Variants in IFT140 observed in about 807,000 individuals in gnomAD.
The protein encoded by IFT140 is intraflagellar transport protein 140 homolog.
Under a neutral mutation model 164.6 loss-of-function variants are expected in IFT140, and 133 were observed. That is an observed-to-expected ratio of 0.81 (90% CI 0.70 to 0.93). The LOEUF is 0.93. Ranked by LOEUF, IFT140 falls within the 40% of genes least tolerant of loss-of-function variation. IFT140 has a pLI of 0.00. For missense variants in IFT140, 2,045 were observed against 1,972.3 expected, an observed-to-expected ratio of 1.04 and a Z score of -0.70; for synonymous variants, 860 against 817.3, an observed-to-expected ratio of 1.05 and a Z score of -0.89.
At position 1,580,780 on chromosome 16, in the gene IFT140, T is replaced by G. The variant is rs1478967837; in HGVS notation, c.1503A>C (p.Arg501=). The change falls in exon 13 of 31, where the codon CGA becomes CGC. Residue 501 remains arginine, a synonymous_variant. Transcript: ENST00000426508. ...EENVYTVESN[R]VQVRTWQGTV... Reference sequence around the variant, plus strand: ...TTACCTGCCAGGTTCGAACTTGAACTCGGTTTGACTCCACCGTGTAAACGT... The same window carrying G: ...TTACCTGCCAGGTTCGAACTTGAACGCGGTTTGACTCCACCGTGTAAACGT... The G allele has an allele frequency of 6.2e-7, 1 of 1,613,810 alleles. No individual in the cohort carries two copies. Among genetic ancestry groups the G allele is most frequent in the East Asian group, 2.2e-5 (1 of 44,880 alleles).
chr16:1,519,227 C>G (rs889675698), intron 29 of IFT140, among the ~76,000 whole-genome samples: 1 of 152,228 alleles, frequency 6.6e-6, no homozygotes, highest in Admixed American at 6.5e-5. Context: ...ACTTCTGGAA[C>G]TCTTGTTTTG....
Position 1,564,082 on chromosome 16 carries a change from A to G in IFT140, c.1982T>C (p.Phe661Ser). The G allele has an allele frequency of 6.2e-7, 1 of 1,605,008 alleles. No homozygotes were observed. Among genetic ancestry groups the G allele is most frequent in the East Asian group, 2.2e-5 (1 of 44,476 alleles). The change falls in exon 17 of 31, where the codon TTT becomes TCT. Residue 661 changes from phenylalanine to serine, a missense_variant. Phe to Ser is a radical substitution (Grantham distance 155, BLOSUM62 -2). Coordinates refer to ENST00000426508, the MANE Select transcript of IFT140 (RefSeq NM_014714.4). The surrounding 1 kb of genome is among the most constrained non-coding windows in gnomAD (Gnocchi z 5.5). Reference protein sequence around the residue: ...HFWDQSEPRLFVCEAVQETPR... With the variant: ...HFWDQSEPRLSVCEAVQETPR... ...CGTCTCCTGCACGGCTTCGCATACAAACAGCCGGGGCTCACTCTGGTCCCA... is the reference window on the plus strand; with the variant it reads ...CGTCTCCTGCACGGCTTCGCATACAGACAGCCGGGGCTCACTCTGGTCCCA...
chr16:1,592,210 G>A lies in IFT140; in HGVS notation c.600C>T (p.His200=), dbSNP rs371783984. 3.8e-5 allele frequency: 62 copies of A among 1,613,944 alleles called. No individual in the cohort carries two copies. The highest frequency in any genetic ancestry group is 9.3e-5 in the African/African-American group (7 of 74,896). ...SSGSLLKMGS[H]EGLLFFVSLM... Reference sequence around the variant, plus strand: ...GACTGACAAAGAACAACAGCCCCTCGTGAGACCCCATCTTCAGCAAACTTC... The same window carrying A: ...GACTGACAAAGAACAACAGCCCCTCATGAGACCCCATCTTCAGCAAACTTC... The change falls in exon 6 of 31, where the codon CAC becomes CAT. Residue 200 remains histidine, a synonymous_variant. Transcript: ENST00000426508.
At chr16:1,537,097 T>C (rs1476758865) in intron 19 of IFT140, among the ~76,000 whole-genome samples, 1 of 152,224 alleles carries the variant, frequency 6.6e-6, no homozygotes, top group Non-Finnish European at 1.5e-5. Context: ...GCACGTATGA[T>C]GGGCTGCGAC....
At chr16:1,541,614 G>T in intron 19 of IFT140, 1 of 507,378 alleles carries the variant, frequency 2.0e-6, no homozygotes, top group Non-Finnish European at 2.5e-6. Flanking sequence ...AAGTCAGGCA[G>T]AGAGGAACAG....
intron 4 of IFT140, 25 bp downstream of exon 4, chr16:1,602,326 AAGGGTCAAGGTCTGAAAAC>A (rs1567428086): frequency 6.5e-7 from 1 of 1,545,966 alleles, no homozygotes; most frequent in African/African-American, 1.4e-5. Context: ...CATGGTCAGA[AAGGGTCAAGGTCTGAAAAC>A]AGCGTCTTGC....
intron 19 of IFT140, among the ~76,000 whole-genome samples, chr16:1,540,223 T>C (rs2031500402): frequency 6.6e-6 from 1 of 152,248 alleles, no homozygotes; most frequent in African/African-American, 2.4e-5. Context: ...GGGAAGCAGA[T>C]GCCTCGGCTC....
At chr16:1,555,397 A>T (rs775472888) in intron 19 of IFT140, 1 of 211,538 alleles carries the variant, frequency 4.7e-6, no homozygotes, top group Non-Finnish European at 9.5e-6. Flanking sequence ...CACCCCAGCC[A>T]TATCTTACAC....
chr16:1,554,978 G>C, intron 19 of IFT140: 2 of 1,613,766 alleles, frequency 1.2e-6, no homozygotes, highest in South Asian at 1.1e-5. Context: ...CCCTGACAGC[G>C]CGCTTTCGCC....
chr16:1,547,012 G>A (rs1041980928), intron 19 of IFT140, among the ~76,000 whole-genome samples: 1 of 152,200 alleles, frequency 6.6e-6, no homozygotes, highest in African/African-American at 2.4e-5. Flanking sequence ...GGGGACCTGT[G>A]GCATCTTTGC....
In IFT140 at chr16:1,557,923, C is replaced by G; in HGVS notation, c.2399+12G>C. 3 of 1,611,384 alleles carry G rather than the reference C, an allele frequency of 1.9e-6. No individual in the cohort carries two copies. Among genetic ancestry groups the G allele is most frequent in the Non-Finnish European group, 2.5e-6 (3 of 1,178,416 alleles). ...CGCTATCTCCCAACATCCCAGTGGTCGGGATCCTCACCTTTTGATGAGCTT... is the reference window on the plus strand; with the variant it reads ...CGCTATCTCCCAACATCCCAGTGGTGGGGATCCTCACCTTTTGATGAGCTT... On this transcript the variant is annotated intron_variant, in intron 19 of 30. Transcript: ENST00000426508.
At chr16:1,597,263 A>C (rs938161457) in intron 4 of IFT140, among the ~76,000 whole-genome samples, 2 of 152,024 alleles carry the variant, frequency 1.3e-5, no homozygotes, top group African/African-American at 4.8e-5. Flanking sequence ...TACTGATGGG[A>C]CTTCTAAGGA....
At chr16:1,590,034 T>C (rs72761128) in intron 6 of IFT140, among the ~76,000 whole-genome samples, 11,777 of 151,770 alleles carry the variant, frequency 0.078, 547 homozygotes, top group African/African-American at 0.12. Flanking sequence ...CTGTCTATAC[T>C]AAAAATACAA....
At chr16:1,581,246 G>C (rs191664278) in intron 12 of IFT140, among the ~76,000 whole-genome samples, 4 of 152,174 alleles carry the variant, frequency 2.6e-5, no homozygotes, top group Admixed American at 6.5e-5. Flanking sequence ...CTAACTATTA[G>C]GGTTGGTGCA....
At chr16:1,606,028 AG>A (rs766688856) in intron 3 of IFT140, among the ~76,000 whole-genome samples, 1 of 152,206 alleles carries the variant, frequency 6.6e-6, no homozygotes, top group Non-Finnish European at 1.5e-5. Context: ...TCTGCCAGCC[AG>A]GGAGCACCAA....
intron 14 of IFT140, among the ~76,000 whole-genome samples, chr16:1,569,885 GA>G (rs922550089): frequency 3.1e-3 from 440 of 142,104 alleles, no homozygotes; most frequent in Non-Finnish European, 4.4e-3. Context: ...GGGCCACCCA[GA>G]AAAAAAAAAA....
intron 22 of IFT140, 38 bp from the exon 23 acceptor site, chr16:1,524,954 C>A (rs765372181): frequency 1.9e-6 from 3 of 1,578,792 alleles, no homozygotes; most frequent in South Asian, 1.1e-5. Flanking sequence ...TCCACCCGAG[C>A]CCCGCTCCAA....
At chr16:1,534,183 T>C (rs2030808620) in intron 19 of IFT140, 1 of 1,529,004 alleles carries the variant, frequency 6.5e-7, no homozygotes, top group African/African-American at 1.4e-5. Context: ...TGATGTCCTC[T>C]AGCCACCCCT....
chr16:1,518,496 A>C (rs1337801818), intron 29 of IFT140, 139 bp from the exon 30 acceptor site: 7 of 779,896 alleles, frequency 9.0e-6, no homozygotes, highest in Non-Finnish European at 1.2e-5. Flanking sequence ...AAATTCATTA[A>C]TTCCTTAATT....
Sources: allele counts gnomAD v4.1 joint callset (sites outside exome capture counted in the v4.1 genomes callset), GRCh38; gene constraint gnomAD v4.1.1; non-coding constraint Gnocchi (gnomAD v3.1); transcripts MANE v1.5; gene names NCBI Gene and HGNC (gene_info 2026-07-23, HGNC 2026-07-21).